The following UBE2F variants were observed in gnomAD, a reference collection of about 807,000 sequenced individuals.
The protein encoded by UBE2F is NEDD8-conjugating enzyme UBE2F.
Under a neutral mutation model 29.6 loss-of-function variants are expected in UBE2F, and 5 were observed. The observed-to-expected ratio is 0.17, with a 90% CI of 0.09 to 0.36. The LOEUF is 0.36. UBE2F is among the 10% of genes least tolerant of loss of function. The probability of loss-of-function intolerance (pLI) is 1.00; values close to 1 mark genes in which losing one functional copy is unlikely to be tolerated. For synonymous variants in UBE2F, 66 were observed against 81.8 expected (o/e 0.81, Z 1.04); for missense variants, 141 against 228.5 (o/e 0.62, Z 2.47).
Position 238,007,674 on chromosome 2 carries a change from TAATA to T in UBE2F, c.215-8891_215-8888del, listed in dbSNP as rs1311153606. On this transcript the variant is annotated intron_variant, in intron 4 of 9. Transcript: ENST00000272930. ...GGTCTGTTGATAAGGTAAATTACATTAATAGATTATTTTTCAAATGTTGAACCAA... is the reference window on the plus strand; with the variant it reads ...GGTCTGTTGATAAGGTAAATTACATTGATTATTTTTCAAATGTTGAACCAA... Among the ~76,000 whole-genome samples, 8 of 152,254 alleles carry T rather than the reference TAATA, an allele frequency of 5.3e-5. No homozygotes were observed. In the East Asian group the frequency reaches 7.7e-4, roughly 15 times the overall value.
chr2:238,006,297 A>T (rs1254248922), intron 4 of UBE2F, among the ~76,000 whole-genome samples: 1 of 152,230 alleles, frequency 6.6e-6, no homozygotes, highest in Non-Finnish European at 1.5e-5. Flanking sequence ...TAAGCCATTC[A>T]TAAGGGATCT....
At chr2:237,983,677 TG>T (rs2063422626) in intron 2 of UBE2F, among the ~76,000 whole-genome samples, 1 of 152,120 alleles carries the variant, frequency 6.6e-6, no homozygotes, top group Non-Finnish European at 1.5e-5. Context: ...GTGCTGCAGC[TG>T]TTTTGACCTC....
At position 238,015,924 on chromosome 2, in the gene UBE2F, AGG is replaced by A. The variant is rs1289436895; in HGVS notation, c.215-640_215-639del. 2.0e-5 allele frequency among the ~76,000 whole-genome samples: 3 copies of A among 151,984 alleles called. No individual in the cohort carries two copies. In the East Asian group the frequency reaches 5.8e-4, roughly 29 times the overall value. On this transcript the variant is annotated intron_variant, in intron 4 of 9. Transcript: ENST00000272930. The stretch of plus-strand genomic sequence containing the variant: ...ACAGGGTGTGGGGGGCGGGGTAAAG[AGG>A]GAGTGGGGGTACACAGCATGTGGAT...
chr2:237,969,398 G>A (rs780532377), intron 1 of UBE2F, among the ~76,000 whole-genome samples: 2 of 152,176 alleles, frequency 1.3e-5, no homozygotes, highest in Non-Finnish European at 2.9e-5. Context: ...GGAGCTGCAT[G>A]TGGCCCTGGT....
intron 4 of UBE2F, among the ~76,000 whole-genome samples, chr2:238,009,699 G>A (rs760510791): frequency 2.9e-4 from 44 of 152,248 alleles, no homozygotes; most frequent in Middle Eastern, 3.4e-3. Flanking sequence ...TGTCTGTGCT[G>A]CCTCCTGCCT....
At chr2:238,039,818 G>A (rs1196890135) in intron 9 of UBE2F, among the ~76,000 whole-genome samples, 4 of 152,176 alleles carry the variant, frequency 2.6e-5, no homozygotes, top group Non-Finnish European at 4.4e-5. Flanking sequence ...AGAGTACATG[G>A]CATCTTTTGT....
chr2:237,978,542 G>A (rs917475367), intron 2 of UBE2F, among the ~76,000 whole-genome samples: 2 of 152,190 alleles, frequency 1.3e-5, no homozygotes, highest in Non-Finnish European at 2.9e-5. Flanking sequence ...TGGAGTGGCC[G>A]GCCATGGGGA....
chr2:237,993,669 T>C (rs2063633154), intron 3 of UBE2F, among the ~76,000 whole-genome samples: 1 of 152,188 alleles, frequency 6.6e-6, no homozygotes, highest in Non-Finnish European at 1.5e-5. Flanking sequence ...GCTGGAATCA[T>C]GCCACTGTCC....
At chr2:238,011,111 A>G (rs1234788115) in intron 4 of UBE2F, among the ~76,000 whole-genome samples, 1 of 152,074 alleles carries the variant, frequency 6.6e-6, no homozygotes, top group Non-Finnish European at 1.5e-5. Context: ...CGATCCATTT[A>G]TATGCTCCTG....
intron 9 of UBE2F, among the ~76,000 whole-genome samples, chr2:238,039,471 T>C (rs1306635998): frequency 2.6e-5 from 4 of 152,202 alleles, no homozygotes; most frequent in African/African-American, 9.7e-5. Context: ...CCAGGCACGC[T>C]TCCATGCACT....
At chr2:238,013,885 T>C (rs2064095630) in intron 4 of UBE2F, among the ~76,000 whole-genome samples, 1 of 152,214 alleles carries the variant, frequency 6.6e-6, no homozygotes, top group South Asian at 2.1e-4. Flanking sequence ...TAAAACCTAG[T>C]TGTCTGAGAA....
At chr2:238,009,328 T>C (rs1382632618) in intron 4 of UBE2F, among the ~76,000 whole-genome samples, 1 of 152,250 alleles carries the variant, frequency 6.6e-6, no homozygotes, top group African/African-American at 2.4e-5. Context: ...GATCGTTTTC[T>C]GGCACTCTAG....
At chr2:237,979,597 A>G (rs1032359484) in intron 2 of UBE2F, among the ~76,000 whole-genome samples, 1 of 152,124 alleles carries the variant, frequency 6.6e-6, no homozygotes, top group African/African-American at 2.4e-5. Context: ...TATTTTAAAA[A>G]CTAGAGCAGT....
intron 1 of UBE2F, chr2:237,968,837 A>G (rs970297390): frequency 5.1e-6 from 5 of 985,096 alleles, no homozygotes; most frequent in Non-Finnish European, 6.0e-6. Flanking sequence ...GGAAAGAGGA[A>G]GTTTTGTTTT....
chr2:238,025,930 G>A (rs2064416699), intron 6 of UBE2F, among the ~76,000 whole-genome samples: 1 of 152,218 alleles, frequency 6.6e-6, no homozygotes, highest in South Asian at 2.1e-4. Flanking sequence ...GCTGTGACTT[G>A]TGTCCCTGAT....
intron 9 of UBE2F, among the ~76,000 whole-genome samples, chr2:238,039,310 G>T (rs143885398): frequency 2.4e-4 from 37 of 152,330 alleles, no homozygotes; most frequent in Admixed American, 6.5e-4. Context: ...TGGAGAGGGG[G>T]CCACAGAGGG....
At chr2:238,030,214 A>G (rs6716778) in intron 6 of UBE2F, among the ~76,000 whole-genome samples, 127,007 of 152,144 alleles carry the variant, frequency 0.83, 53,120 homozygotes, top group East Asian at 0.97. Flanking sequence ...GATTACAGGC[A>G]TGAGCCACCA....
chr2:238,037,790 G>T (rs1373223547), intron 9 of UBE2F, among the ~76,000 whole-genome samples: 1 of 152,164 alleles, frequency 6.6e-6, no homozygotes, highest in Non-Finnish European at 1.5e-5. Flanking sequence ...ATTCTTAGTA[G>T]TAGAGAGGGG....
Position 238,034,840 on chromosome 2 carries a change from C to T in UBE2F, c.445-1038C>T, listed in dbSNP as rs187735405. 1.5e-3 allele frequency among the ~76,000 whole-genome samples: 231 copies of T among 152,138 alleles called. 1 individual carries two copies. Among genetic ancestry groups the T allele is most frequent in the African/African-American group, 5.3e-3 (218 of 41,514 alleles). Reference sequence around the variant, plus strand: ...TGACAATGATCCATCCTACAGCCTGCGTTGGAAAGCCATGACTCATCATAA... The same window carrying T: ...TGACAATGATCCATCCTACAGCCTGTGTTGGAAAGCCATGACTCATCATAA... On this transcript the variant is annotated intron_variant, in intron 8 of 9. Transcript: ENST00000272930.
Sources: gnomAD v4.1 joint callset for allele counts (sites outside exome capture counted in the v4.1 genomes callset) on GRCh38, gnomAD v4.1.1 for gene constraint, MANE v1.5 for transcripts, NCBI Gene and HGNC (gene_info 2026-07-23, HGNC 2026-07-21) for gene names.